The following NTRK2 variants were observed in gnomAD, a reference collection of about 807,000 sequenced individuals.
The protein encoded by NTRK2 is neurotrophic receptor tyrosine kinase 2.
Under a neutral mutation model 94.5 loss-of-function variants are expected in NTRK2, and 13 were observed. That is an observed-to-expected ratio of 0.14 (90% confidence interval 0.09 to 0.22). NTRK2 has a LOEUF of 0.22. Among genes scored for constraint, NTRK2 ranks in the 10% least tolerant of loss-of-function variants. The probability of loss-of-function intolerance (pLI) is 1.00; values close to 1 mark genes in which losing one functional copy is unlikely to be tolerated. For synonymous variants in NTRK2, 372 were observed against 407.4 expected (o/e 0.91, Z 1.05); for missense variants, 639 against 1,071.2 (o/e 0.60, Z 5.63).
At chr9:84,813,190 C>T in intron 12 of NTRK2, 1 of 1,048,646 alleles carries the variant, frequency 9.5e-7, no homozygotes, top group Non-Finnish European at 1.2e-6. Flanking sequence ...AGGCAGGTCT[C>T]CTAAATGAAC....
chr9:84,962,957 A>G (rs1042150630), intron 17 of NTRK2, among the ~76,000 whole-genome samples: 3 of 152,178 alleles, frequency 2.0e-5, no homozygotes, highest in African/African-American at 7.2e-5. Context: ...GGGTTGTTTT[A>G]CTCAAGTGAA....
At chr9:84,813,724 G>A in intron 12 of NTRK2, 1 of 1,066,124 alleles carries the variant, frequency 9.4e-7, no homozygotes, top group Non-Finnish European at 1.1e-6. Flanking sequence ...AGACATCCTA[G>A]CAAATCCTTC....
intron 11 of NTRK2, among the ~76,000 whole-genome samples, chr9:84,751,514 G>A (rs2064608409): frequency 6.6e-6 from 1 of 152,132 alleles, no homozygotes; most frequent in Non-Finnish European, 1.5e-5. Context: ...CCAGGAGGTC[G>A]AAGCTGCAGT....
At chr9:84,729,172 C>A (rs1410731071) in intron 9 of NTRK2, among the ~76,000 whole-genome samples, 6 of 152,196 alleles carry the variant, frequency 3.9e-5, no homozygotes, top group Non-Finnish European at 7.3e-5. Flanking sequence ...AGAATGCAGT[C>A]CTTCTCATTA....
chr9:84,805,199 T>G (rs1390037513), intron 12 of NTRK2, among the ~76,000 whole-genome samples: 2 of 152,248 alleles, frequency 1.3e-5, no homozygotes. Flanking sequence ...CTTTGCCAAG[T>G]GTGCTTTCTA....
chr9:84,918,790 CT>C (rs2077473416), intron 14 of NTRK2, among the ~76,000 whole-genome samples: 1 of 152,146 alleles, frequency 6.6e-6, no homozygotes, highest in Non-Finnish European at 1.5e-5. Flanking sequence ...TATAGCTTCC[CT>C]TTTATTTTCA....
intron 15 of NTRK2, among the ~76,000 whole-genome samples, chr9:84,934,794 G>A (rs1259700219): frequency 2.6e-5 from 4 of 152,124 alleles, no homozygotes; most frequent in Admixed American, 6.6e-5. Context: ...GTTTTATATA[G>A]CACAGGCATG....
At chr9:84,793,465 AT>A (rs762668151) in intron 12 of NTRK2, among the ~76,000 whole-genome samples, 11 of 152,280 alleles carry the variant, frequency 7.2e-5, no homozygotes, top group East Asian at 5.8e-4. Flanking sequence ...CATTTTTCAT[AT>A]GGTCAAGTTG....
intron 12 of NTRK2, among the ~76,000 whole-genome samples, chr9:84,781,401 A>G (rs1205874106): frequency 5.3e-5 from 8 of 149,986 alleles, no homozygotes; most frequent in Non-Finnish European, 2.9e-5. Flanking sequence ...GGTATATCAT[A>G]CTTTTCAGAT....
intron 9 of NTRK2, among the ~76,000 whole-genome samples, chr9:84,737,346 C>G (rs1195422368): frequency 1.3e-5 from 2 of 152,102 alleles, no homozygotes; most frequent in Admixed American, 1.3e-4. Context: ...GATGTTTTCT[C>G]TTTCATCAAG....
chr9:84,990,978 C>T lies in NTRK2; in HGVS notation c.2173-29228C>T, dbSNP rs971119232. Among the ~76,000 whole-genome samples, 14 of 152,226 alleles carry T rather than the reference C, an allele frequency of 9.2e-5. 1 individual carries two copies. The South Asian group carries it at 2.1e-3, about 23-fold the overall frequency. On this transcript the variant is annotated intron_variant, in intron 17 of 18. Coordinates refer to ENST00000277120, the MANE Select transcript of NTRK2 (RefSeq NM_006180.6). The stretch of plus-strand genomic sequence containing the variant: ...ATAAAGGCTCCGAATGCTGTTGGCC[C>T]GGCATCTTTCCCTGTAGCAACATCA...
intron 12 of NTRK2, among the ~76,000 whole-genome samples, chr9:84,768,854 G>T (rs1255490366): frequency 6.6e-6 from 1 of 152,110 alleles, no homozygotes; most frequent in African/African-American, 2.4e-5. Context: ...GGTAAGGGGG[G>T]ATCCTGGATA....
At chr9:84,940,701 A>G (rs1242951948) in intron 15 of NTRK2, among the ~76,000 whole-genome samples, 1 of 152,002 alleles carries the variant, frequency 6.6e-6, no homozygotes, top group Non-Finnish European at 1.5e-5. Context: ...AGGGCTCACA[A>G]GAAAAGCACA....
chr9:85,023,488 G>A lies in NTRK2; in HGVS notation c.*2051G>A, dbSNP rs1289951658. ...AAAAGGAAATCCAGTAGCAACTGCAGTCAAGCGAGGGAGTTGACAAGATAA... is the reference window on the plus strand; with the variant it reads ...AAAAGGAAATCCAGTAGCAACTGCAATCAAGCGAGGGAGTTGACAAGATAA... On this transcript the variant is annotated 3_prime_UTR_variant, in exon 19 of 19. Coordinates refer to ENST00000277120, the MANE Select transcript of NTRK2 (RefSeq NM_006180.6). The A allele has an allele frequency of 1.3e-5, 3 of 232,620 alleles. No individual in the cohort carries two copies. Among genetic ancestry groups the A allele is most frequent in the Non-Finnish European group, 1.7e-5 (2 of 117,712 alleles). The allele number at this position is 232,620 out of a possible 1,614,324, so 14.4% of individuals were successfully genotyped here.
chr9:84,826,021 C>A (rs967319538), intron 12 of NTRK2, among the ~76,000 whole-genome samples: 3 of 152,214 alleles, frequency 2.0e-5, no homozygotes, highest in Admixed American at 6.5e-5. Context: ...ATCAGTAAAG[C>A]TTTAGGATTC....
At chr9:84,810,628 G>T (rs2071672832) in intron 12 of NTRK2, 1 of 1,613,432 alleles carries the variant, frequency 6.2e-7, no homozygotes, top group African/African-American at 1.3e-5. Context: ...CTTGTTGGTT[G>T]ATGCTGCCAT....
At chr9:84,683,007 CCT>C (rs1419295341) in intron 2 of NTRK2, among the ~76,000 whole-genome samples, 2 of 152,108 alleles carry the variant, frequency 1.3e-5, no homozygotes, top group African/African-American at 4.8e-5. Flanking sequence ...CTCTCTCTGG[CCT>C]CTCTTATAAA....
At chr9:84,744,476 A>G (rs2063895391) in intron 10 of NTRK2, among the ~76,000 whole-genome samples, 1 of 152,086 alleles carries the variant, frequency 6.6e-6, no homozygotes, top group Non-Finnish European at 1.5e-5. Flanking sequence ...CCTGGAAATC[A>G]GTGTTGCTCA....
intron 12 of NTRK2, among the ~76,000 whole-genome samples, chr9:84,825,350 T>G (rs2131612332): frequency 6.6e-6 from 1 of 152,176 alleles, no homozygotes; most frequent in Admixed American, 6.5e-5. Context: ...GCTGAGTAGA[T>G]TAAGTCCAAG....
Sources: gnomAD v4.1 joint callset for allele counts (sites outside exome capture counted in the v4.1 genomes callset) on GRCh38, gnomAD v4.1.1 for gene constraint, MANE v1.5 for transcripts, NCBI Gene and HGNC (gene_info 2026-07-23, HGNC 2026-07-21) for gene names.